ARSB: variants seen among roughly 807,000 people sequenced by gnomAD.
ARSB encodes arylsulfatase B, also known as N-acetylgalactosamine-4-sulfatase.
ARSB carries 41 observed loss-of-function variants against 50.9 expected under a neutral mutation model. That is an observed-to-expected ratio of 0.81 (90% CI 0.63 to 1.04). The LOEUF (loss-of-function observed/expected upper bound fraction) is 1.04, where lower values mean the gene tolerates loss of function less well. Among genes scored for constraint, ARSB ranks in the 50% least tolerant of loss-of-function variants. The pLI is 0.00. For synonymous variants in ARSB, 269 were observed against 284.8 expected, an observed-to-expected ratio of 0.94 and a Z score of 0.56; for missense variants, 672 against 693.3, an observed-to-expected ratio of 0.97 and a Z score of 0.35.
At chr5:78,878,021 G>GA (rs1747567967) in intron 5 of ARSB, among the ~76,000 whole-genome samples, 1 of 151,994 alleles carries the variant, frequency 6.6e-6, no homozygotes, top group Admixed American at 6.6e-5. Context: ...CAGACATTGA[G>GA]AAAAAAATCA....
chr5:78,915,373 G>C (rs1320334379), intron 4 of ARSB, among the ~76,000 whole-genome samples: 3 of 152,000 alleles, frequency 2.0e-5, no homozygotes, highest in African/African-American at 7.3e-5. Flanking sequence ...GAAAACAAGT[G>C]ATTCCAGGAA....
At chr5:78,887,178 T>C (rs1340880612) in intron 4 of ARSB, among the ~76,000 whole-genome samples, 1 of 152,230 alleles carries the variant, frequency 6.6e-6, no homozygotes, top group African/African-American at 2.4e-5. Context: ...CTCACAATTC[T>C]GATGACTGAT....
chr5:78,877,017 TTG>T (rs1747513819), intron 5 of ARSB, among the ~76,000 whole-genome samples: 1 of 151,942 alleles, frequency 6.6e-6, no homozygotes, highest in Admixed American at 6.6e-5. Context: ...GGTGGAAAAA[TTG>T]TCTCTCACAA....
At chr5:78,939,344 A>G (rs1750785696) in intron 4 of ARSB, among the ~76,000 whole-genome samples, 1 of 151,300 alleles carries the variant, frequency 6.6e-6, no homozygotes, top group East Asian at 2.0e-4. Context: ...GGTTTGTTAC[A>G]TATGTATACA....
chr5:78,980,622 G>A (rs1019592372), intron 1 of ARSB, among the ~76,000 whole-genome samples: 7 of 152,128 alleles, frequency 4.6e-5, no homozygotes, highest in Non-Finnish European at 7.4e-5. Flanking sequence ...TCAGTGTGAA[G>A]AGTATGTTAC....
intron 6 of ARSB, among the ~76,000 whole-genome samples, chr5:78,829,242 T>C (rs1744569981): frequency 6.6e-6 from 1 of 152,232 alleles, no homozygotes. Flanking sequence ...GTATTGGTTG[T>C]TTTAAGCCAT....
chr5:78,943,165 T>C (rs1751024198), intron 4 of ARSB, among the ~76,000 whole-genome samples: 1 of 152,216 alleles, frequency 6.6e-6, no homozygotes, highest in African/African-American at 2.4e-5. Context: ...ATTTTGAGCC[T>C]ATGTGTGTCT....
At chr5:78,848,075 A>T (rs942322863) in intron 5 of ARSB, among the ~76,000 whole-genome samples, 3 of 149,992 alleles carry the variant, frequency 2.0e-5, no homozygotes, top group Non-Finnish European at 4.4e-5. Context: ...TTATTATTTT[A>T]TTATTATTAT....
At chr5:78,842,017 G>A (rs1351252369) in intron 5 of ARSB, among the ~76,000 whole-genome samples, 1 of 152,096 alleles carries the variant, frequency 6.6e-6, no homozygotes, top group East Asian at 1.9e-4. Context: ...ACTTCCTGAG[G>A]GGGAGGTAGA....
intron 6 of ARSB, among the ~76,000 whole-genome samples, chr5:78,801,984 A>G (rs1198757301): frequency 6.6e-6 from 1 of 152,042 alleles, no homozygotes; most frequent in Non-Finnish European, 1.5e-5. Flanking sequence ...CTAATCTGTC[A>G]TTCTCCCAGT....
chr5:78,895,031 C>A (rs577605415), intron 4 of ARSB, among the ~76,000 whole-genome samples: 1 of 152,296 alleles, frequency 6.6e-6, no homozygotes, highest in African/African-American at 2.4e-5. Context: ...GATAAAAAAC[C>A]AAACCAACCA....
intron 4 of ARSB, among the ~76,000 whole-genome samples, chr5:78,922,613 C>A (rs932604125): frequency 3.3e-5 from 5 of 151,554 alleles, no homozygotes; most frequent in African/African-American, 9.7e-5. Context: ...AGGTGTGACC[C>A]AGCACATTCC....
At chr5:78,921,598 A>T (rs1317396953) in intron 4 of ARSB, among the ~76,000 whole-genome samples, 1 of 151,442 alleles carries the variant, frequency 6.6e-6, no homozygotes, top group African/African-American at 2.5e-5. Flanking sequence ...GGAGAAGATT[A>T]AAATCATATC....
chr5:78,813,798 G>C (rs1466241401), intron 6 of ARSB, among the ~76,000 whole-genome samples: 1 of 151,946 alleles, frequency 6.6e-6, no homozygotes, highest in Non-Finnish European at 1.5e-5. Flanking sequence ...CCAGATAATA[G>C]AGTCATGCAG....
At chr5:78,926,727 C>T (rs1349954193) in intron 4 of ARSB, among the ~76,000 whole-genome samples, 1 of 152,080 alleles carries the variant, frequency 6.6e-6, no homozygotes, top group South Asian at 2.1e-4. Flanking sequence ...AAATCTTCAA[C>T]AAAATAATCC....
intron 3 of ARSB, among the ~76,000 whole-genome samples, chr5:78,958,042 ACT>A (rs1751814729): frequency 6.6e-6 from 1 of 151,956 alleles, no homozygotes. Flanking sequence ...ATTTCTGACT[ACT>A]CTTTGTCCAC....
At chr5:78,859,653 G>A (rs1410402710) in intron 5 of ARSB, among the ~76,000 whole-genome samples, 1 of 152,110 alleles carries the variant, frequency 6.6e-6, no homozygotes, top group Non-Finnish European at 1.5e-5. Flanking sequence ...CCCAAAGAAA[G>A]TAGAAGAAGA....
At chr5:78,821,754 C>T (rs1036053307) in intron 6 of ARSB, among the ~76,000 whole-genome samples, 1 of 152,196 alleles carries the variant, frequency 6.6e-6, no homozygotes, top group African/African-American at 2.4e-5. Flanking sequence ...ATGACTTTCC[C>T]ACTAGAATTA....
intron 1 of ARSB, among the ~76,000 whole-genome samples, chr5:78,980,237 T>C (rs1752844303): frequency 1.3e-5 from 2 of 152,254 alleles, no homozygotes; most frequent in East Asian, 1.9e-4. Context: ...ATGTGAACTA[T>C]AACTTAATAT....
Sources: gnomAD v4.1 joint callset for allele counts (sites outside exome capture counted in the v4.1 genomes callset) on GRCh38, gnomAD v4.1.1 for gene constraint, MANE v1.5 for transcripts, NCBI Gene and HGNC (gene_info 2026-07-23, HGNC 2026-07-21) for gene names.